Variants in BNC2 observed in about 807,000 individuals in gnomAD.
The protein encoded by BNC2 is basonuclin zinc finger protein 2.
Under a neutral mutation model 76.3 loss-of-function variants are expected in BNC2, and 20 were observed. The observed-to-expected ratio is 0.26, with a 90% CI of 0.18 to 0.38. The LOEUF is 0.38. Ranked by LOEUF, BNC2 falls within the 10% of genes least tolerant of loss-of-function variation. The pLI is 1.00. For synonymous variants in BNC2, 582 were observed against 514.8 expected (o/e 1.13, Z -1.77); for missense variants, 1,382 against 1,399.8 (o/e 0.99, Z 0.20).
At chr9:16,530,379 A>G (rs1030559992) in intron 5 of BNC2, among the ~76,000 whole-genome samples, 1 of 152,262 alleles carries the variant, frequency 6.6e-6, no homozygotes, top group Non-Finnish European at 1.5e-5. Flanking sequence ...AAAGTTCCAG[A>G]AATCACTGTA....
At chr9:16,620,328 T>C (rs966995473) in intron 3 of BNC2, among the ~76,000 whole-genome samples, 5 of 152,294 alleles carry the variant, frequency 3.3e-5, no homozygotes, top group Admixed American at 6.5e-5. Flanking sequence ...TAAATACCAC[T>C]GTATTAAACT....
At chr9:16,665,289 G>C (rs1438553087) in intron 3 of BNC2, 2 of 332,692 alleles carry the variant, frequency 6.0e-6, no homozygotes, top group Non-Finnish European at 1.2e-5. Context: ...AGAACTGCTT[G>C]AACCTAGGAG....
chr9:16,515,944 G>GAAAA lies in BNC2; in HGVS notation c.669+36582_669+36585dup, dbSNP rs3055130. Among the ~76,000 whole-genome samples the GAAAA allele has an allele frequency of 2.8e-4, 41 of 145,482 alleles. No individual in the cohort carries two copies. The East Asian group carries it at 7.1e-3, about 25-fold the overall frequency. On this transcript the variant is annotated intron_variant, in intron 5 of 6. Transcript: ENST00000380672. ...TTGAGAGGAAAACACTTCCAAAAGG[G>GAAAA]AAAAAAAAAAAAGTCAGACTGCCAC...
At chr9:16,526,267 G>T (rs949090220) in intron 5 of BNC2, among the ~76,000 whole-genome samples, 4 of 151,932 alleles carry the variant, frequency 2.6e-5, no homozygotes, top group Non-Finnish European at 5.9e-5. Flanking sequence ...ATTTTTCTGG[G>T]TATTAAAAAT....
At chr9:16,448,261 C>T (rs1444748159) in intron 5 of BNC2, among the ~76,000 whole-genome samples, 1 of 152,154 alleles carries the variant, frequency 6.6e-6, no homozygotes, top group Non-Finnish European at 1.5e-5. Context: ...CATTTCTAAA[C>T]ATAAATGCCA....
intron 3 of BNC2, among the ~76,000 whole-genome samples, chr9:16,607,607 A>T (rs1199074037): frequency 6.6e-6 from 1 of 152,202 alleles, no homozygotes; most frequent in Non-Finnish European, 1.5e-5. Context: ...TTAAAATAAT[A>T]CACAGAGAAA....
Position 16,411,931 on chromosome 9 carries a change from T to A in BNC2, c.*7058A>T, listed in dbSNP as rs1012061305. On this transcript the variant is annotated 3_prime_UTR_variant, in exon 7 of 7. Coordinates refer to ENST00000380672, the MANE Select transcript of BNC2 (RefSeq NM_017637.6). ...TCCCCTAGTCCCAGAAAGAAGACGC[T>A]TGATAGATCTTGCACTTCATTTAGT... 7.2e-5 allele frequency: 11 copies of A among 152,250 alleles called. No individual in the cohort carries two copies. The highest frequency in any genetic ancestry group is 2.4e-4 in the African/African-American group (10 of 41,470). 9.4% of individuals were successfully genotyped at this position (152,250 alleles called of 1,614,324 possible). A position where few individuals can be genotyped will look rare whatever the true frequency, so the allele number is the denominator to read the frequency against.
chr9:16,631,136 A>G (rs1226208420), intron 3 of BNC2, among the ~76,000 whole-genome samples: 1 of 152,146 alleles, frequency 6.6e-6, no homozygotes, highest in Admixed American at 6.5e-5. Flanking sequence ...ATCTCAAGAC[A>G]AATAACCAAA....
intron 3 of BNC2, among the ~76,000 whole-genome samples, chr9:16,619,632 T>C (rs907743905): frequency 2.0e-5 from 3 of 152,206 alleles, no homozygotes; most frequent in African/African-American, 7.2e-5. Flanking sequence ...TAAATGTTTA[T>C]AGCACCATAC....
chr9:16,853,208 A>G (rs1237846043), intron 1 of BNC2, among the ~76,000 whole-genome samples: 1 of 152,064 alleles, frequency 6.6e-6, no homozygotes, highest in Admixed American at 6.5e-5. Context: ...ACTTAAGGTC[A>G]GGAGTTCATG....
intron 1 of BNC2, among the ~76,000 whole-genome samples, chr9:16,744,628 G>C (rs1162491627): frequency 6.6e-6 from 1 of 152,118 alleles, no homozygotes. Context: ...TCATCACTCA[G>C]GACTTGGAGC....
At chr9:16,627,408 A>C (rs1054640399) in intron 3 of BNC2, among the ~76,000 whole-genome samples, 3 of 152,130 alleles carry the variant, frequency 2.0e-5, no homozygotes, top group Non-Finnish European at 4.4e-5. Context: ...TTCATTTTCC[A>C]AAGAATATGG....
chr9:16,418,260 T>A lies in BNC2; in HGVS notation c.*729A>T, dbSNP rs1239026576. 6.5e-6 allele frequency: 1 copy of A among 152,690 alleles called. No homozygotes were observed. The highest frequency in any genetic ancestry group is 1.5e-5 in the Non-Finnish European group (1 of 68,114). 9.5% of individuals were successfully genotyped at this position (152,690 alleles called of 1,614,324 possible). A position where few individuals can be genotyped will look rare whatever the true frequency, so the allele number is the denominator to read the frequency against. The stretch of plus-strand genomic sequence containing the variant: ...ATGCCAGCACCTCTTTAGCACTATA[T>A]CTAACAGGTAGTAAAAACAAGACCA... On this transcript the variant is annotated 3_prime_UTR_variant, in exon 7 of 7. Transcript: ENST00000380672.
At chr9:16,508,873 G>T (rs7025647) in intron 5 of BNC2, among the ~76,000 whole-genome samples, 1 of 149,260 alleles carries the variant, frequency 6.7e-6, no homozygotes, top group African/African-American at 2.5e-5. Context: ...CCGAGGCTGG[G>T]GTGCAGTGGC....
chr9:16,632,688 A>G (rs1286641087), intron 3 of BNC2, among the ~76,000 whole-genome samples: 1 of 152,172 alleles, frequency 6.6e-6, no homozygotes, highest in Non-Finnish European at 1.5e-5. Flanking sequence ...CACCCATTAC[A>G]CTGAGTACAG....
intron 3 of BNC2, among the ~76,000 whole-genome samples, chr9:16,595,061 T>G (rs1461982001): frequency 6.6e-6 from 1 of 152,106 alleles, no homozygotes; most frequent in Non-Finnish European, 1.5e-5. Flanking sequence ...CACTTTTAAA[T>G]AAAGAAAGTG....
intron 5 of BNC2, among the ~76,000 whole-genome samples, chr9:16,516,971 A>G: frequency 6.6e-6 from 1 of 152,208 alleles, no homozygotes; most frequent in East Asian, 1.9e-4. Flanking sequence ...AATGTTTAAG[A>G]AATCACTCTG....
intron 1 of BNC2, among the ~76,000 whole-genome samples, chr9:16,853,867 CA>C (rs1819189681): frequency 6.6e-6 from 1 of 151,926 alleles, no homozygotes; most frequent in African/African-American, 2.4e-5. Flanking sequence ...GACTCTGTCT[CA>C]AAAAAATAAA....
intron 4 of BNC2, among the ~76,000 whole-genome samples, chr9:16,569,079 T>A (rs1303208199): frequency 6.6e-6 from 1 of 150,866 alleles, no homozygotes; most frequent in African/African-American, 2.5e-5. Context: ...AGTGTGGTGA[T>A]AAAAACTGTC....
Sources: allele counts gnomAD v4.1 joint callset (sites outside exome capture counted in the v4.1 genomes callset), GRCh38; gene constraint gnomAD v4.1.1; transcripts MANE v1.5; gene names NCBI Gene and HGNC (gene_info 2026-07-23, HGNC 2026-07-21).